Variants in GPC6 observed in about 807,000 individuals in gnomAD.
GPC6 encodes glypican-6.
Under a neutral mutation model 55.2 loss-of-function variants are expected in GPC6, and 14 were observed. The ratio of observed to expected loss-of-function variants is 0.25; its 90% CI spans 0.17 to 0.40. The LOEUF is 0.40. GPC6 is among the 10% of genes least tolerant of loss of function. GPC6 has a pLI of 1.00. For synonymous variants in GPC6, 278 were observed against 259.6 expected (o/e 1.07, Z -0.68); for missense variants, 641 against 708.5 (o/e 0.90, Z 1.08).
chr13:93,956,788 T>C (rs1879527004), intron 3 of GPC6, among the ~76,000 whole-genome samples: 1 of 152,224 alleles, frequency 6.6e-6, no homozygotes, highest in Non-Finnish European at 1.5e-5. Context: ...CTGCATTTCA[T>C]TGACTTTCTT....
At chr13:94,024,707 C>T (rs1484359226) in intron 3 of GPC6, among the ~76,000 whole-genome samples, 1 of 152,106 alleles carries the variant, frequency 6.6e-6, no homozygotes. Flanking sequence ...GTTGGAGACT[C>T]TTCTGAAATG....
intron 2 of GPC6, among the ~76,000 whole-genome samples, chr13:93,748,545 A>C (rs117374479): frequency 5.2e-4 from 79 of 152,188 alleles, no homozygotes; most frequent in Non-Finnish European, 1.0e-3. Flanking sequence ...AGTTTTTATA[A>C]ATGACAAGGA....
chr13:94,312,585 CA>C (rs1171228131), intron 6 of GPC6, among the ~76,000 whole-genome samples: 1 of 152,158 alleles, frequency 6.6e-6, no homozygotes, highest in Non-Finnish European at 1.5e-5. Context: ...GTTTGCATTT[CA>C]AAAGGATGTC....
At chr13:93,977,364 T>G (rs1240340453) in intron 3 of GPC6, among the ~76,000 whole-genome samples, 1 of 152,088 alleles carries the variant, frequency 6.6e-6, no homozygotes, top group Non-Finnish European at 1.5e-5. Context: ...GCTAATGAAT[T>G]TTCAATTATC....
intron 3 of GPC6, among the ~76,000 whole-genome samples, chr13:93,844,861 A>G (rs1448872612): frequency 6.6e-6 from 1 of 150,650 alleles, no homozygotes; most frequent in Non-Finnish European, 1.5e-5. Context: ...CTTTCTACAT[A>G]TGGCTAGCCA....
intron 6 of GPC6, among the ~76,000 whole-genome samples, chr13:94,320,219 T>TAATG (rs1332067540): frequency 6.6e-6 from 1 of 152,232 alleles, no homozygotes; most frequent in Non-Finnish European, 1.5e-5. Context: ...TTCTAGTACT[T>TAATG]AATGAATTAA....
At chr13:93,992,805 A>C (rs1274929534) in intron 3 of GPC6, among the ~76,000 whole-genome samples, 1 of 152,192 alleles carries the variant, frequency 6.6e-6, no homozygotes, top group Non-Finnish European at 1.5e-5. Context: ...ATTTAAAAGG[A>C]CGGTGTATAG....
chr13:94,168,514 C>G (rs904880905), intron 4 of GPC6, among the ~76,000 whole-genome samples: 2 of 152,020 alleles, frequency 1.3e-5, no homozygotes, highest in Admixed American at 1.3e-4. Flanking sequence ...TATTCTGGAC[C>G]TACCTAATAA....
At chr13:93,711,864 C>G (rs1216482644) in intron 2 of GPC6, among the ~76,000 whole-genome samples, 1 of 151,656 alleles carries the variant, frequency 6.6e-6, no homozygotes, top group Non-Finnish European at 1.5e-5. Context: ...AAAAATGCCC[C>G]CCTCTCTGTT....
intron 3 of GPC6, among the ~76,000 whole-genome samples, chr13:93,854,093 G>A (rs1355132625): frequency 6.6e-6 from 1 of 151,628 alleles, no homozygotes; most frequent in Non-Finnish European, 1.5e-5. Context: ...CACCCTCTAT[G>A]CAAAGGTTGG....
intron 4 of GPC6, among the ~76,000 whole-genome samples, chr13:94,117,595 G>A (rs1423697528): frequency 6.6e-6 from 1 of 152,072 alleles, no homozygotes; most frequent in African/African-American, 2.4e-5. Flanking sequence ...TTCATTTGTT[G>A]GCTCAGAACA....
At chr13:93,753,223 T>C (rs1884656721) in intron 2 of GPC6, among the ~76,000 whole-genome samples, 1 of 152,194 alleles carries the variant, frequency 6.6e-6, no homozygotes, top group Non-Finnish European at 1.5e-5. Flanking sequence ...ATGTCTTCCA[T>C]GTCACTTCAG....
chr13:94,360,435 G>C (rs1879006773), intron 6 of GPC6, among the ~76,000 whole-genome samples: 1 of 152,150 alleles, frequency 6.6e-6, no homozygotes. Context: ...TCTGTCTTTG[G>C]ACCTCCTAAA....
At chr13:93,512,737 G>A (rs945664941) in intron 1 of GPC6, among the ~76,000 whole-genome samples, 2 of 152,076 alleles carry the variant, frequency 1.3e-5, no homozygotes, top group African/African-American at 2.4e-5. Flanking sequence ...GTGAGGTTAT[G>A]TGGTAACTGC....
intron 1 of GPC6, among the ~76,000 whole-genome samples, chr13:93,353,646 C>A (rs1282876874): frequency 6.6e-6 from 1 of 152,180 alleles, no homozygotes; most frequent in Admixed American, 6.5e-5. Flanking sequence ...TTTTGGACTC[C>A]TAGATTTATG....
At chr13:94,347,027 G>C (rs945167249) in intron 6 of GPC6, among the ~76,000 whole-genome samples, 3 of 152,128 alleles carry the variant, frequency 2.0e-5, no homozygotes, top group African/African-American at 7.2e-5. Flanking sequence ...GAAGCATCAT[G>C]AGTATAATTT....
intron 8 of GPC6, among the ~76,000 whole-genome samples, chr13:94,399,896 C>T (rs961372144): frequency 2.6e-5 from 4 of 152,174 alleles, no homozygotes; most frequent in African/African-American, 9.7e-5. Flanking sequence ...CACTTAGCCT[C>T]ACACCTCTCA....
At chr13:94,047,904 A>C (rs1266778001) in intron 4 of GPC6, among the ~76,000 whole-genome samples, 1 of 152,122 alleles carries the variant, frequency 6.6e-6, no homozygotes, top group South Asian at 2.1e-4. Flanking sequence ...CAGTTGATAG[A>C]TAATCCTCAA....
intron 3 of GPC6, chr13:94,025,371 C>T (rs1229593723): frequency 6.6e-6 from 1 of 150,510 alleles, no homozygotes; most frequent in East Asian, 1.9e-4. Context: ...TTAAATTTCA[C>T]ATTAATATTG....
Sources: allele counts gnomAD v4.1 joint callset (sites outside exome capture counted in the v4.1 genomes callset), GRCh38; gene constraint gnomAD v4.1.1; transcripts MANE v1.5; gene names NCBI Gene and HGNC (gene_info 2026-07-23, HGNC 2026-07-21).